PIEZO2: variants seen among roughly 807,000 people sequenced by gnomAD.
PIEZO2 encodes the protein piezo-type mechanosensitive ion channel component 2.
A neutral mutation model predicts 337.3 loss-of-function variants in PIEZO2; 172 were observed. The ratio of observed to expected loss-of-function variants is 0.51; its 90% CI spans 0.45 to 0.58. The LOEUF is 0.58. PIEZO2 is among the 20% of genes least tolerant of loss of function. PIEZO2 has a pLI of 0.00. For synonymous variants in PIEZO2, 1,251 were observed against 1,228.5 expected (o/e 1.02, Z -0.38); for missense variants, 3,028 against 3,391.3 (o/e 0.89, Z 2.66).
At position 10,797,410 on chromosome 18, in the gene PIEZO2, C is replaced by G; in HGVS notation, c.1491G>C (p.Met497Ile). ...TGAGGGCACAGATGTAACTTTGTTTCATAATAAATTGGAATACGGAGACCA... is the reference window on the plus strand; with the variant it reads ...TGAGGGCACAGATGTAACTTTGTTTGATAATAAATTGGAATACGGAGACCA... ...HAMVSVFQFIMKQSYICALIA... is the reference protein window; with the variant it reads ...HAMVSVFQFIIKQSYICALIA... Residue 497 changes from methionine to isoleucine, a missense_variant, in exon 12 of 56, where the codon ATG (methionine) becomes ATC (isoleucine). Met to Ile is a conservative substitution (Grantham distance 10). Transcript: ENST00000674853. 6.5e-7 allele frequency: 1 copy of G among 1,537,132 alleles called. No homozygotes were observed. The highest frequency in any genetic ancestry group is 8.7e-7 in the Non-Finnish European group (1 of 1,146,882).
At chr18:10,882,982 G>T (rs1050977675) in intron 4 of PIEZO2, among the ~76,000 whole-genome samples, 2 of 151,862 alleles carry the variant, frequency 1.3e-5, no homozygotes, top group South Asian at 4.2e-4. Flanking sequence ...GGAACAACAG[G>T]TGCCTGCCAC....
rs1257797181 is a variant in PIEZO2 at position 11,127,601 on chromosome 18, C to T, written c.64+20924G>A. Among the ~76,000 whole-genome samples the T allele has an allele frequency of 6.6e-6, 1 of 152,096 alleles. No individual in the cohort carries two copies. Among genetic ancestry groups the T allele is most frequent in the Non-Finnish European group, 1.5e-5 (1 of 68,032 alleles). On this transcript the variant is annotated intron_variant, in intron 1 of 55. Transcript: ENST00000674853. The surrounding 1 kb of genome is among the most constrained non-coding windows in gnomAD (Gnocchi z 4.5). The stretch of plus-strand genomic sequence containing the variant: ...AAGTTCTTCAGTTTCGAGACTCAGA[C>T]TGGCTCTCCTTGCTCCTCAGCTTGC...
chr18:10,977,328 A>G (rs777991663), intron 3 of PIEZO2, among the ~76,000 whole-genome samples: 5 of 151,542 alleles, frequency 3.3e-5, no homozygotes, highest in Non-Finnish European at 7.4e-5. Context: ...ATAAACTCAA[A>G]ATTTAAAAAT....
chr18:10,900,609 T>C (rs780214722), intron 4 of PIEZO2, among the ~76,000 whole-genome samples: 95 of 152,364 alleles, frequency 6.2e-4, no homozygotes, highest in Non-Finnish European at 9.3e-4. Context: ...TGTCTTTGTC[T>C]TGGCACGTCA....
intron 36 of PIEZO2, among the ~76,000 whole-genome samples, chr18:10,720,347 A>C (rs2036220271): frequency 7.7e-6 from 1 of 130,248 alleles, no homozygotes; most frequent in Admixed American, 8.4e-5. Context: ...TCTCATATAT[A>C]TGTCCTATAT....
At chr18:10,849,962 G>A (rs2041491882) in intron 7 of PIEZO2, among the ~76,000 whole-genome samples, 1 of 152,214 alleles carries the variant, frequency 6.6e-6, no homozygotes, top group Admixed American at 6.5e-5. Flanking sequence ...CAACTTCTGA[G>A]TGTGGTCACT....
At position 11,105,420 on chromosome 18, in the gene PIEZO2, C is replaced by T. The variant is rs961261804; in HGVS notation, c.65-39198G>A. On this transcript the variant is annotated intron_variant, in intron 1 of 55. Transcript: ENST00000674853. The surrounding 1 kb of genome is among the most constrained non-coding windows in gnomAD (Gnocchi z 4.3). ...CTATGGATATGTAATAGCTCAGAAA[C>T]GCATTCCAGCACCTCACATCTTCAT... 7.2e-5 allele frequency among the ~76,000 whole-genome samples: 11 copies of T among 152,136 alleles called. No homozygotes were observed. Among genetic ancestry groups the T allele is most frequent in the African/African-American group, 1.2e-4 (5 of 41,430 alleles).
intron 3 of PIEZO2, among the ~76,000 whole-genome samples, chr18:10,939,037 G>A (rs891286217): frequency 2.4e-4 from 36 of 151,626 alleles, no homozygotes; most frequent in African/African-American, 8.5e-4. Context: ...ACAGTGAGCC[G>A]AAATCATGTC....
Position 10,978,159 on chromosome 18 carries a change from A to G in PIEZO2, c.286+1376T>C, listed in dbSNP as rs969797422. Among the ~76,000 whole-genome samples the G allele has an allele frequency of 2.0e-5, 3 of 152,162 alleles. No individual in the cohort carries two copies. The East Asian group carries it at 5.8e-4, about 29-fold the overall frequency. ...AACACGGTGAAACAGTGTCTCTACT[A>G]AAAAACACAAAAAATAAAATAAAAT... On this transcript the variant is annotated intron_variant, in intron 3 of 55. Coordinates refer to ENST00000674853, the MANE Select transcript of PIEZO2 (RefSeq NM_001378183.1).
intron 7 of PIEZO2, among the ~76,000 whole-genome samples, chr18:10,835,545 T>TTC (rs1227937219): frequency 6.1e-5 from 8 of 130,968 alleles, no homozygotes; most frequent in Non-Finnish European, 1.6e-5. Flanking sequence ...CCTAACCAAG[T>TTC]TCTTTTTTTT....
chr18:10,777,950 A>G (rs2038846045), intron 18 of PIEZO2, among the ~76,000 whole-genome samples: 2 of 152,212 alleles, frequency 1.3e-5, no homozygotes, highest in African/African-American at 4.8e-5. Context: ...TATACTGTTT[A>G]CTAGGTCAGT....
Position 10,781,847 on chromosome 18 carries a change from C to T in PIEZO2, c.2493-1481G>A, listed in dbSNP as rs927776229. ...GTGGAAATCAGCTTAACGAGCGAAT[C>T]GGTTATTCCTGATCTGTGGGCCATT... On this transcript the variant is annotated intron_variant, in intron 17 of 55. Coordinates refer to ENST00000674853, the MANE Select transcript of PIEZO2 (RefSeq NM_001378183.1). The surrounding 1 kb of genome is among the most constrained non-coding windows in gnomAD (Gnocchi z 4.1). Among the ~76,000 whole-genome samples the T allele has an allele frequency of 1.3e-5, 2 of 152,018 alleles. No individual in the cohort carries two copies. Among genetic ancestry groups the T allele is most frequent in the Non-Finnish European group, 2.9e-5 (2 of 67,998 alleles).
In PIEZO2 at chr18:10,758,072, C is replaced by G; in HGVS notation, c.3820G>C (p.Ala1274Pro). The G allele has an allele frequency of 6.5e-7, 1 of 1,537,544 alleles. No homozygotes were observed. Among genetic ancestry groups the G allele is most frequent in the Admixed American group, 2.0e-5 (1 of 50,968 alleles). ...QRQIFEDENK[A>P]AVRIMAGDNV... ...TCACCTGCCATGATTCGCACTGCAG[C>G]CTTGTTCTCATCCTCAAAAATCTGC... Residue 1274 changes from alanine to proline, a missense_variant, in exon 27 of 56, where the codon GCT becomes CCT. Transcript: ENST00000674853.
chr18:10,868,561 A>G (rs900127593), intron 5 of PIEZO2, among the ~76,000 whole-genome samples: 17 of 152,348 alleles, frequency 1.1e-4, no homozygotes, highest in African/African-American at 4.1e-4. Context: ...GAGAAGGAAA[A>G]TAATTCCATA....
intron 3 of PIEZO2, among the ~76,000 whole-genome samples, chr18:10,961,893 C>T (rs559683009): frequency 6.6e-6 from 1 of 152,168 alleles, no homozygotes; most frequent in Non-Finnish European, 1.5e-5. Flanking sequence ...AAGAAATAGA[C>T]ACAAGGACTT....
intron 1 of PIEZO2, among the ~76,000 whole-genome samples, chr18:11,073,430 G>C (rs2038416017): frequency 6.6e-6 from 1 of 152,172 alleles, no homozygotes; most frequent in Non-Finnish European, 1.5e-5. Context: ...CAGCTGCTGT[G>C]CTACATGTGT....
At chr18:10,800,642 A>T (rs914660773) in intron 10 of PIEZO2, among the ~76,000 whole-genome samples, 167 bp from the exon 11 acceptor site, 12 of 152,232 alleles carry the variant, frequency 7.9e-5, no homozygotes, top group African/African-American at 2.9e-4. Context: ...AATCTTGTAC[A>T]TTCCCTCTCC....
At position 10,834,878 on chromosome 18, in the gene PIEZO2, G is replaced by A. The variant is rs183366130; in HGVS notation, c.917+20475C>T. ...CCATCACTCTCACTTTCACAAGGGC[G>A]TGATCATAAGCTTTTGTTTTGTTTG... On this transcript the variant is annotated intron_variant, in intron 7 of 55. Coordinates refer to ENST00000674853, the MANE Select transcript of PIEZO2 (RefSeq NM_001378183.1). The surrounding 1 kb of genome is among the most constrained non-coding windows in gnomAD (Gnocchi z 4.5). Among the ~76,000 whole-genome samples, 695 of 152,310 alleles carry A rather than the reference G, an allele frequency of 4.6e-3. 1 individual carries two copies. The highest frequency in any genetic ancestry group is 7.2e-3 in the Non-Finnish European group (490 of 68,016).
Position 10,672,815 on chromosome 18 carries a change from G to A in PIEZO2, c.8220C>T (p.Asn2740=), listed in dbSNP as rs1237581487. The change falls in exon 55 of 56, where the codon AAC becomes AAT. Residue 2740 remains asparagine (N), a synonymous_variant. Transcript: ENST00000674853. The surrounding 1 kb of genome is among the most constrained non-coding windows in gnomAD (Gnocchi z 4.7). The part of the protein sequence containing the change: ...ILSRDNTTKY[N]SEWWVLNLTG... ...TCAGGTTGAGAACCCACCACTCACT[G>A]TTATATTTAGTTGTATTGTCTCTGG... 10 of 1,612,776 alleles carry A rather than the reference G, an allele frequency of 6.2e-6. No individual in the cohort carries two copies. Among genetic ancestry groups the A allele is most frequent in the Non-Finnish European group, 8.5e-6 (10 of 1,178,870 alleles).
Sources: allele counts gnomAD v4.1 joint callset (sites outside exome capture counted in the v4.1 genomes callset), GRCh38; gene constraint gnomAD v4.1.1; non-coding constraint Gnocchi (gnomAD v3.1); transcripts MANE v1.5; gene names NCBI Gene and HGNC (gene_info 2026-07-23, HGNC 2026-07-21).